GABRB1: variants seen among roughly 807,000 people sequenced by gnomAD.
The protein encoded by GABRB1 is gamma-aminobutyric acid receptor subunit beta-1.
In GABRB1, 17 loss-of-function variants were observed where a neutral mutation model predicts 51.6. The ratio of observed to expected loss-of-function variants is 0.33; its 90% confidence interval spans 0.23 to 0.49. The LOEUF (loss-of-function observed/expected upper bound fraction) is 0.49. GABRB1 is among the 20% of genes least tolerant of loss of function. The pLI is 0.99. For synonymous variants in GABRB1, 247 were observed against 218.9 expected, an observed-to-expected ratio of 1.13 and a Z score of -1.14; for missense variants, 410 against 600.6, an observed-to-expected ratio of 0.68 and a Z score of 3.32.
chr4:47,264,381 T>C (rs1722567212), intron 4 of GABRB1, among the ~76,000 whole-genome samples: 1 of 152,122 alleles, frequency 6.6e-6, no homozygotes, highest in Non-Finnish European at 1.5e-5. Context: ...GGGGCAATGG[T>C]GAAGCACCAA....
intron 4 of GABRB1, among the ~76,000 whole-genome samples, chr4:47,243,915 T>A (rs1199547122): frequency 5.9e-5 from 9 of 152,152 alleles, no homozygotes; most frequent in Non-Finnish European, 1.2e-4. Flanking sequence ...AACTTCCAAC[T>A]CTATGTTGAA....
intron 8 of GABRB1, among the ~76,000 whole-genome samples, chr4:47,411,952 A>G (rs1728772614): frequency 6.6e-6 from 1 of 152,210 alleles, no homozygotes; most frequent in South Asian, 2.1e-4. Context: ...GAAAAAAATG[A>G]TTAGCGAAAT....
At chr4:47,344,004 T>C (rs1182233775) in intron 5 of GABRB1, among the ~76,000 whole-genome samples, 1 of 152,238 alleles carries the variant, frequency 6.6e-6, no homozygotes, top group Non-Finnish European at 1.5e-5. Context: ...TCTTAGGGGC[T>C]GTTGCTTTAG....
chr4:47,150,570 C>CT (rs1010728229), intron 3 of GABRB1, among the ~76,000 whole-genome samples: 2 of 150,848 alleles, frequency 1.3e-5, no homozygotes, highest in African/African-American at 4.9e-5. Context: ...AATTTCTGTG[C>CT]TGTGTCATTA....
chr4:47,144,673 G>A (rs1717078104), intron 3 of GABRB1, among the ~76,000 whole-genome samples: 1 of 151,826 alleles, frequency 6.6e-6, no homozygotes, highest in Non-Finnish European at 1.5e-5. Flanking sequence ...GACAAAACTG[G>A]AATCGAATTT....
chr4:47,399,467 T>C (rs1303580831), intron 5 of GABRB1, among the ~76,000 whole-genome samples: 1 of 150,908 alleles, frequency 6.6e-6, no homozygotes, highest in African/African-American at 2.5e-5. Context: ...GCCTCCTTAT[T>C]TGAGCTTTAA....
At chr4:47,048,179 G>A (rs1726181588) in intron 3 of GABRB1, among the ~76,000 whole-genome samples, 1 of 152,032 alleles carries the variant, frequency 6.6e-6, no homozygotes, top group African/African-American at 2.4e-5. Flanking sequence ...CACCTTTTTA[G>A]TATATATACT....
At chr4:47,099,124 T>A (rs1714605627) in intron 3 of GABRB1, among the ~76,000 whole-genome samples, 1 of 152,090 alleles carries the variant, frequency 6.6e-6, no homozygotes, top group South Asian at 2.1e-4. Context: ...GGAATCTCTT[T>A]CTTGGGTTTG....
chr4:47,383,499 A>C (rs17461961), intron 5 of GABRB1, among the ~76,000 whole-genome samples: 12,825 of 152,170 alleles, frequency 0.084, 671 homozygotes, highest in Non-Finnish European at 0.12. Context: ...CTAAAAAAAA[A>C]ATCAGGGACT....
Position 47,251,432 on chromosome 4 carries a change from G to A in GABRB1, c.462-68695G>A, listed in dbSNP as rs529662096. Among the ~76,000 whole-genome samples the A allele has an allele frequency of 3.9e-5, 6 of 152,328 alleles. No individual in the cohort carries two copies. In the East Asian group the frequency reaches 1.2e-3, roughly 29 times the overall value. On this transcript the variant is annotated intron_variant, in intron 4 of 8. Transcript: ENST00000295454. ...TTTTGTGCTGGTTGGCCTCCTGCCA[G>A]GAGGTGGTGCTTTCCCAAAAGCATC...
chr4:47,336,910 A>G (rs560105567), intron 5 of GABRB1, among the ~76,000 whole-genome samples: 2 of 152,300 alleles, frequency 1.3e-5, no homozygotes, highest in Admixed American at 1.3e-4. Flanking sequence ...GTGAGGTGAA[A>G]TGCAGGAAAT....
chr4:47,405,798 GC>G (rs1472551730), intron 7 of GABRB1, among the ~76,000 whole-genome samples: 1 of 151,936 alleles, frequency 6.6e-6, no homozygotes, highest in African/African-American at 2.4e-5. Context: ...TTCACTTCTT[GC>G]TTTTCACAAT....
At chr4:47,104,186 G>GT (rs536759009) in intron 3 of GABRB1, among the ~76,000 whole-genome samples, 2 of 151,452 alleles carry the variant, frequency 1.3e-5, no homozygotes, top group South Asian at 2.1e-4. Flanking sequence ...AGGATGACAG[G>GT]TTTTTTTCTT....
chr4:47,093,580 AC>A (rs2109591343), intron 3 of GABRB1, among the ~76,000 whole-genome samples: 1 of 152,318 alleles, frequency 6.6e-6, no homozygotes, highest in South Asian at 2.1e-4. Flanking sequence ...TCTGCGTACA[AC>A]AAAAAAAATC....
At chr4:47,305,680 A>G (rs1448452095) in intron 4 of GABRB1, among the ~76,000 whole-genome samples, 5 of 152,188 alleles carry the variant, frequency 3.3e-5, no homozygotes, top group African/African-American at 4.8e-5. Context: ...TCAAACACCA[A>G]GATCCGTGTA....
intron 3 of GABRB1, among the ~76,000 whole-genome samples, chr4:47,133,898 A>G (rs916383932): frequency 6.6e-6 from 1 of 152,148 alleles, no homozygotes; most frequent in African/African-American, 2.4e-5. Context: ...CTATTTAAAT[A>G]TCCTATTCCT....
At chr4:47,228,863 G>A (rs1304147265) in intron 4 of GABRB1, among the ~76,000 whole-genome samples, 1 of 152,052 alleles carries the variant, frequency 6.6e-6, no homozygotes, top group African/African-American at 2.4e-5. Flanking sequence ...TAATGGAAAG[G>A]GACTTTGCAG....
chr4:47,196,069 C>A (rs1455062118), intron 4 of GABRB1, among the ~76,000 whole-genome samples: 1 of 152,152 alleles, frequency 6.6e-6, no homozygotes, highest in Admixed American at 6.5e-5. Context: ...GCATTAATGC[C>A]TATACATTCA....
chr4:47,409,179 C>T lies in GABRB1; in HGVS notation c.1080+2253C>T, dbSNP rs116955964. Among the ~76,000 whole-genome samples the T allele has an allele frequency of 3.3e-4, 50 of 152,206 alleles. No homozygotes were observed. In the East Asian group the frequency reaches 5.4e-3, roughly 16 times the overall value. ...TCTAGAGTTGGGTGCCTGCGACTCC[C>T]GAAGCCCCAGTAGGTGTGTTACAGT... On this transcript the variant is annotated intron_variant, in intron 8 of 8. Transcript: ENST00000295454.
Sources: allele counts gnomAD v4.1 joint callset (sites outside exome capture counted in the v4.1 genomes callset), GRCh38; gene constraint gnomAD v4.1.1; transcripts MANE v1.5; gene names NCBI Gene and HGNC (gene_info 2026-07-23, HGNC 2026-07-21).